Variants in NIM1K observed in about 807,000 individuals in gnomAD.
The protein encoded by NIM1K is serine/threonine-protein kinase NIM1.
In NIM1K, 35 loss-of-function variants were observed where a neutral mutation model predicts 37.1. The observed-to-expected ratio is 0.94, with a 90% CI of 0.72 to 1.25. The LOEUF (loss-of-function observed/expected upper bound fraction) is 1.25, where lower values mean the gene tolerates loss of function less well. NIM1K is among the 50% of genes most tolerant of loss of function. NIM1K has a pLI of 0.00. For synonymous variants in NIM1K, 234 were observed against 206.6 expected (o/e 1.13, Z -1.14); for missense variants, 564 against 548.0 (o/e 1.03, Z -0.29).
In NIM1K at chr5:43,280,344, T is replaced by TC; in HGVS notation, c.930dup (p.Thr311HisfsTer12). On this transcript the variant is annotated frameshift_variant, in exon 4 of 4. Coordinates refer to ENST00000326035, the MANE Select transcript of NIM1K (RefSeq NM_153361.4). LOFTEE classifies it high-confidence loss of function. Reference sequence around the variant, plus strand: ...CTCATCCGAGGAGTCCTTCAGCAGATCCCCACGGAGAGGTACGGAATCGAC... The same window carrying TC: ...CTCATCCGAGGAGTCCTTCAGCAGATCCCCCACGGAGAGGTACGGAATCGAC... 1 of 1,614,094 alleles carries TC rather than the reference T, an allele frequency of 6.2e-7. No individual in the cohort carries two copies. Among genetic ancestry groups the TC allele is most frequent in the Non-Finnish European group, 8.5e-7 (1 of 1,180,032 alleles).
At chr5:43,211,423 A>G (rs1405832046) in intron 1 of NIM1K, among the ~76,000 whole-genome samples, 4 of 152,184 alleles carry the variant, frequency 2.6e-5, no homozygotes, top group Non-Finnish European at 5.9e-5. Context: ...GGCAGATAGG[A>G]ACTTCAGCTT....
At chr5:43,263,736 C>T (rs555867874) in intron 2 of NIM1K, among the ~76,000 whole-genome samples, 3 of 152,182 alleles carry the variant, frequency 2.0e-5, no homozygotes, top group South Asian at 4.1e-4. Context: ...TAGATCTTTC[C>T]TGCTTTCTCT....
At chr5:43,219,470 G>A (rs998455117) in intron 1 of NIM1K, among the ~76,000 whole-genome samples, 1 of 151,760 alleles carries the variant, frequency 6.6e-6, no homozygotes, top group Admixed American at 6.6e-5. Flanking sequence ...CAAACTCCTG[G>A]GCTCAAGTGA....
intron 1 of NIM1K, among the ~76,000 whole-genome samples, chr5:43,242,202 C>T (rs963777239): frequency 2.0e-5 from 3 of 151,846 alleles, no homozygotes; most frequent in Non-Finnish European, 2.9e-5. Flanking sequence ...GTACCTGTGC[C>T]CTCCCTCTCT....
intron 3 of NIM1K, among the ~76,000 whole-genome samples, 186 bp from the exon 4 acceptor site, chr5:43,279,794 A>G (rs934957327): frequency 3.9e-5 from 6 of 152,200 alleles, no homozygotes; most frequent in African/African-American, 1.4e-4. Context: ...ACTTTGGTCT[A>G]TTTGGGGAGG....
chr5:43,277,774 C>G (rs909085076), intron 3 of NIM1K, among the ~76,000 whole-genome samples: 1 of 146,410 alleles, frequency 6.8e-6, no homozygotes, highest in Non-Finnish European at 1.5e-5. Context: ...CCCACCCCCC[C>G]TCTCCGTGTG....
intron 1 of NIM1K, among the ~76,000 whole-genome samples, chr5:43,203,820 G>C (rs1218389627): frequency 6.6e-6 from 1 of 152,012 alleles, no homozygotes; most frequent in Admixed American, 6.6e-5. Flanking sequence ...GAGGTCAGGA[G>C]TTCAAGACCA....
At chr5:43,205,591 A>G (rs1752096457) in intron 1 of NIM1K, among the ~76,000 whole-genome samples, 1 of 152,200 alleles carries the variant, frequency 6.6e-6, no homozygotes, top group South Asian at 2.1e-4. Flanking sequence ...TATTTCTACA[A>G]AAAATACAAA....
intron 2 of NIM1K, among the ~76,000 whole-genome samples, chr5:43,262,449 A>G (rs905660538): frequency 1.1e-4 from 16 of 152,196 alleles, no homozygotes; most frequent in Admixed American, 7.9e-4. Flanking sequence ...ATTTTTGCAC[A>G]CTGATTTTGT....
intron 1 of NIM1K, among the ~76,000 whole-genome samples, chr5:43,205,310 G>A (rs72752580): frequency 0.025 from 3,848 of 152,310 alleles, 81 homozygotes; most frequent in Non-Finnish European, 0.037. Flanking sequence ...ATCTTATAGA[G>A]TTTGTTGTAA....
At chr5:43,207,536 A>G (rs1049622941) in intron 1 of NIM1K, 5 of 700,418 alleles carry the variant, frequency 7.1e-6, no homozygotes, top group African/African-American at 5.3e-5. Context: ...TCCAATCTCC[A>G]TGTCTCCAGA....
intron 2 of NIM1K, among the ~76,000 whole-genome samples, chr5:43,272,258 T>C (rs1435925954): frequency 6.6e-6 from 1 of 152,136 alleles, no homozygotes; most frequent in Non-Finnish European, 1.5e-5. Flanking sequence ...TTAGAACCTC[T>C]CCCTACTTTT....
rs553025226 is a variant in NIM1K at position 43,241,627 on chromosome 5, C to T, written c.-694-3455C>T. Among the ~76,000 whole-genome samples the T allele has an allele frequency of 3.9e-4, 59 of 151,980 alleles. 1 individual carries two copies. The highest frequency in any genetic ancestry group is 2.5e-3 in the East Asian group (13 of 5,190). Reference sequence around the variant, plus strand: ...TGCTGGGATTACAGGAGTGAGCCACCGTGCCTGGCTGGATATTGGTATTTT... The same window carrying T: ...TGCTGGGATTACAGGAGTGAGCCACTGTGCCTGGCTGGATATTGGTATTTT... On this transcript the variant is annotated intron_variant, in intron 1 of 3. Coordinates refer to ENST00000326035, the MANE Select transcript of NIM1K (RefSeq NM_153361.4).
At chr5:43,207,930 TA>T (rs1345229288) in intron 1 of NIM1K, 1 of 462,084 alleles carries the variant, frequency 2.2e-6, no homozygotes, top group Non-Finnish European at 2.9e-6. Context: ...TTCCTTTTTT[TA>T]AACTATTATT....
At chr5:43,227,392 T>G (rs950991934) in intron 1 of NIM1K, among the ~76,000 whole-genome samples, 3 of 151,802 alleles carry the variant, frequency 2.0e-5, no homozygotes, top group African/African-American at 7.3e-5. Context: ...AAATAAAAAA[T>G]AAAATAAAAG....
At chr5:43,219,776 G>A (rs1046894513) in intron 1 of NIM1K, among the ~76,000 whole-genome samples, 6 of 152,044 alleles carry the variant, frequency 3.9e-5, no homozygotes, top group African/African-American at 9.6e-5. Context: ...AGGCTGGAGT[G>A]CAATGGTGCA....
Position 43,234,430 on chromosome 5 carries a change from C to T in NIM1K, c.-694-10652C>T, listed in dbSNP as rs192775646. 2.5e-4 allele frequency among the ~76,000 whole-genome samples: 38 copies of T among 152,186 alleles called. 1 individual carries two copies. The highest frequency in any genetic ancestry group is 2.0e-3 in the Admixed American group (31 of 15,294). On this transcript the variant is annotated intron_variant, in intron 1 of 3. Transcript: ENST00000326035. ...CACAAAAATGGTGTATAGAACATTA[C>T]AACTCTCCATGTACTCATCACCTAG... is the stretch of plus-strand genomic sequence containing the variant.
At position 43,198,213 on chromosome 5, in the gene NIM1K, CTTTCTT is replaced by C. The variant is rs1561070035; in HGVS notation, c.-695+5804_-695+5809del. On this transcript the variant is annotated intron_variant, in intron 1 of 3. Transcript: ENST00000326035. ...TTTCTTTCTTTCTTTCTTTCTCTTTCTTTCTTTCTTTCTTTCTTTCTTTCTTTCTTT... is the reference window on the plus strand; with the variant it reads ...TTTCTTTCTTTCTTTCTTTCTCTTTCTCTTTCTTTCTTTCTTTCTTTCTTT... 7.6e-3 allele frequency among the ~76,000 whole-genome samples: 629 copies of C among 82,806 alleles called. 6 individuals carry two copies. Among genetic ancestry groups the C allele is most frequent in the Admixed American group, 0.011 (84 of 7,506 alleles). 54.3% of individuals were successfully genotyped at this position (82,806 alleles called of 152,430 possible). A position where few individuals can be genotyped will look rare whatever the true frequency, so the allele number is the denominator to read the frequency against.
intron 1 of NIM1K, chr5:43,193,435 G>A (rs1447545027): frequency 2.8e-5 from 4 of 143,144 alleles, no homozygotes; most frequent in Non-Finnish European, 6.0e-5. Context: ...CAGTAGACAA[G>A]AGGGCTCTCT....
Sources: gnomAD v4.1 joint callset for allele counts (sites outside exome capture counted in the v4.1 genomes callset) on GRCh38, gnomAD v4.1.1 for gene constraint, MANE v1.5 for transcripts, NCBI Gene and HGNC (gene_info 2026-07-23, HGNC 2026-07-21) for gene names.